The following NRXN1 variants were observed in gnomAD, a reference collection of about 807,000 sequenced individuals.
The protein encoded by NRXN1 is neurexin 1, also known as neurexin-1.
A neutral mutation model predicts 150.9 loss-of-function variants in NRXN1; 39 were observed. The ratio of observed to expected loss-of-function variants is 0.26; its 90% confidence interval spans 0.20 to 0.34. The LOEUF (loss-of-function observed/expected upper bound fraction) is 0.34, where lower values mean the gene tolerates loss of function less well. Among genes scored for constraint, NRXN1 ranks in the 10% least tolerant of loss-of-function variants. The pLI is 1.00. For missense variants in NRXN1, 1,815 were observed against 1,949.9 expected (o/e 0.93, Z 1.30); for synonymous variants, 924 against 757.0 (o/e 1.22, Z -3.62).
At chr2:50,170,125 CATATT>C (rs139646513) in intron 18 of NRXN1, among the ~76,000 whole-genome samples, 2,854 of 151,414 alleles carry the variant, frequency 0.019, 95 homozygotes, top group African/African-American at 0.066. Context: ...TATAATACGT[CATATT>C]ATAGATAATA....
chr2:50,298,206 C>G (rs1273725025), intron 17 of NRXN1, among the ~76,000 whole-genome samples: 1 of 152,066 alleles, frequency 6.6e-6, no homozygotes, highest in Non-Finnish European at 1.5e-5. Context: ...TCTTCAGGGT[C>G]CCAATATCTT....
intron 8 of NRXN1, among the ~76,000 whole-genome samples, chr2:50,582,875 C>T (rs1407924521): frequency 6.6e-6 from 1 of 152,124 alleles, no homozygotes; most frequent in Non-Finnish European, 1.5e-5. Context: ...ACGTACCTTA[C>T]TTCACAGCTG....
In NRXN1 at chr2:50,989,023, T is replaced by A. The variant is rs564267059; in HGVS notation, c.772+38479A>T. ...CATATTTTCCCCTATTTTTCTTTTT[T>A]AAAAAAAATCCAGGAACTTGCGTCC... On this transcript the variant is annotated intron_variant, in intron 2 of 22. Transcript: ENST00000401669. 6.2e-3 allele frequency among the ~76,000 whole-genome samples: 944 copies of A among 151,966 alleles called. 9 individuals are homozygous for A. The highest frequency in any genetic ancestry group is 0.011 in the Non-Finnish European group (742 of 67,902).
chr2:50,965,501 T>G (rs1693917879), intron 2 of NRXN1, among the ~76,000 whole-genome samples: 1 of 151,598 alleles, frequency 6.6e-6, no homozygotes, highest in Non-Finnish European at 1.5e-5. Flanking sequence ...GCTTTTAATT[T>G]AATAACAAAA....
intron 21 of NRXN1, among the ~76,000 whole-genome samples, chr2:50,034,002 G>C (rs1210644791): frequency 6.6e-6 from 1 of 151,580 alleles, no homozygotes; most frequent in Non-Finnish European, 1.5e-5. Flanking sequence ...GCAGGTGCTG[G>C]TGAGGTTGCA....
chr2:50,746,502 G>C (rs528541979), intron 5 of NRXN1, among the ~76,000 whole-genome samples: 1 of 151,934 alleles, frequency 6.6e-6, no homozygotes. Context: ...AGGCTGCAGT[G>C]AGCCATGATT....
At position 50,121,143 on chromosome 2, in the gene NRXN1, C is replaced by G. The variant is rs1011651730; in HGVS notation, c.3547-29649G>C. ...GGTTCAAGCGATTCTCCTGCCTCAGCCTCCCAAGTAGCTGGGATTAGAGGT... is the reference window on the plus strand; with the variant it reads ...GGTTCAAGCGATTCTCCTGCCTCAGGCTCCCAAGTAGCTGGGATTAGAGGT... On this transcript the variant is annotated intron_variant, in intron 18 of 22. Transcript: ENST00000401669. Among the ~76,000 whole-genome samples, 4 of 152,294 alleles carry G rather than the reference C, an allele frequency of 2.6e-5. No homozygotes were observed. The East Asian group carries it at 7.7e-4, about 29-fold the overall frequency.
At chr2:50,015,949 TACAGGC>T (rs1686514787) in intron 21 of NRXN1, among the ~76,000 whole-genome samples, 3 of 152,168 alleles carry the variant, frequency 2.0e-5, no homozygotes, top group African/African-American at 7.2e-5. Context: ...TCCATCAAAA[TACAGGC>T]ACTCAGTAAA....
At chr2:50,615,118 C>G (rs750437229) in intron 8 of NRXN1, among the ~76,000 whole-genome samples, 5 of 152,152 alleles carry the variant, frequency 3.3e-5, no homozygotes, top group Middle Eastern at 3.2e-3. Flanking sequence ...ATAAATGTTT[C>G]TAAGTGTAAT....
intron 17 of NRXN1, among the ~76,000 whole-genome samples, chr2:50,292,733 G>C (rs754525251): frequency 6.6e-6 from 1 of 152,142 alleles, no homozygotes; most frequent in Non-Finnish European, 1.5e-5. Flanking sequence ...TTGTTGCAAA[G>C]AATCTGCCAA....
intron 5 of NRXN1, among the ~76,000 whole-genome samples, chr2:50,639,961 A>AT (rs1381879419): frequency 4.6e-5 from 7 of 152,200 alleles, no homozygotes; most frequent in African/African-American, 1.7e-4. Context: ...TAGACTCTAT[A>AT]TCATTTTGTA....
intron 12 of NRXN1, among the ~76,000 whole-genome samples, chr2:50,513,864 A>T: frequency 6.6e-6 from 1 of 152,272 alleles, no homozygotes; most frequent in Non-Finnish European, 1.5e-5. Context: ...TTAAACTCTT[A>T]GATGTATGTG....
At chr2:50,996,800 T>C (rs1034404683) in intron 2 of NRXN1, among the ~76,000 whole-genome samples, 1 of 152,034 alleles carries the variant, frequency 6.6e-6, no homozygotes, top group African/African-American at 2.4e-5. Flanking sequence ...TCTACTATTG[T>C]AGAAGATGGA....
chr2:50,436,381 G>A (rs1160352704), intron 17 of NRXN1, among the ~76,000 whole-genome samples: 1 of 151,950 alleles, frequency 6.6e-6, no homozygotes, highest in Non-Finnish European at 1.5e-5. Context: ...TTGAACCCAT[G>A]GGCAGAGGCT....
At chr2:50,411,193 G>A (rs1411402338) in intron 17 of NRXN1, among the ~76,000 whole-genome samples, 2 of 152,026 alleles carry the variant, frequency 1.3e-5, no homozygotes, top group African/African-American at 4.8e-5. Flanking sequence ...CGCCTGACTG[G>A]TTTTCATATT....
intron 5 of NRXN1, among the ~76,000 whole-genome samples, chr2:50,643,666 G>C (rs2104498649): frequency 6.6e-6 from 1 of 151,770 alleles, no homozygotes; most frequent in Non-Finnish European, 1.5e-5. Flanking sequence ...TATCCTTTAT[G>C]TAATTATTAA....
chr2:50,033,846 C>G (rs575148775), intron 21 of NRXN1, among the ~76,000 whole-genome samples: 2 of 151,584 alleles, frequency 1.3e-5, no homozygotes, highest in South Asian at 2.1e-4. Flanking sequence ...CAAAAGCAGA[C>G]ATACATGCAG....
intron 18 of NRXN1, among the ~76,000 whole-genome samples, chr2:50,182,238 T>A (rs1171737754): frequency 6.6e-6 from 1 of 151,948 alleles, no homozygotes; most frequent in Non-Finnish European, 1.5e-5. Context: ...AAATGTTAGA[T>A]CCTCTTTTTC....
At chr2:50,829,483 T>C (rs1671077644) in intron 5 of NRXN1, 2 of 1,581,542 alleles carry the variant, frequency 1.3e-6, no homozygotes, top group South Asian at 1.1e-5. Context: ...GAGCCTATAA[T>C]AATGAGAAAG....
Sources: gnomAD v4.1 joint callset for allele counts (sites outside exome capture counted in the v4.1 genomes callset) on GRCh38, gnomAD v4.1.1 for gene constraint, MANE v1.5 for transcripts, NCBI Gene and HGNC (gene_info 2026-07-23, HGNC 2026-07-21) for gene names.